ATL3: variants seen among roughly 807,000 people sequenced by gnomAD.
The protein encoded by ATL3 is atlastin GTPase 3.
Under a neutral mutation model 69.5 loss-of-function variants are expected in ATL3, and 49 were observed. That is an observed-to-expected ratio of 0.71 (90% CI 0.56 to 0.89). The LOEUF (loss-of-function observed/expected upper bound fraction) is 0.89, where lower values mean the gene tolerates loss of function less well. ATL3 is among the 40% of genes least tolerant of loss of function. The pLI is 0.00. For missense variants in ATL3, 606 were observed against 645.7 expected, an observed-to-expected ratio of 0.94 and a Z score of 0.67; for synonymous variants, 214 against 224.1, an observed-to-expected ratio of 0.95 and a Z score of 0.40.
chr11:63,654,145 A>ATTTTTTTTTTT (rs1330665161), intron 3 of ATL3, among the ~76,000 whole-genome samples: 1 of 149,158 alleles, frequency 6.7e-6, no homozygotes, highest in African/African-American at 2.5e-5. Context: ...TAAAGATACA[A>ATTTTTTTTTTT]TTTGTTTTTT....
At position 63,629,219 on chromosome 11, in the gene ATL3, C is replaced by G. The variant is rs1939222036; in HGVS notation, c.*100G>C. 11 of 922,304 alleles carry G rather than the reference C, an allele frequency of 1.2e-5. No homozygotes were observed. Among genetic ancestry groups the G allele is most frequent in the Non-Finnish European group, 1.9e-5 (11 of 565,742 alleles). 57.1% of individuals were successfully genotyped at this position (922,304 alleles called of 1,614,324 possible). On this transcript the variant is annotated 3_prime_UTR_variant, in exon 13 of 13. Coordinates refer to ENST00000398868, the MANE Select transcript of ATL3 (RefSeq NM_015459.5). The stretch of plus-strand genomic sequence containing the variant: ...TGTTTTAGCTCTTCCTGGATCGTCT[C>G]AGATCTGCCATTCCTCTGGATATGA...
chr11:63,665,947 C>T (rs1940561221), intron 1 of ATL3, among the ~76,000 whole-genome samples: 1 of 151,982 alleles, frequency 6.6e-6, no homozygotes, highest in African/African-American at 2.4e-5. Flanking sequence ...TTGAGCTGTA[C>T]ACACCAATAA....
chr11:63,643,249 C>T (rs572919963), intron 8 of ATL3, 108 bp downstream of exon 8: 21 of 1,237,092 alleles, frequency 1.7e-5, no homozygotes, highest in Non-Finnish European at 2.3e-5. Flanking sequence ...ACTACTCTTT[C>T]TAAGAGAGCA....
chr11:63,631,092 T>C lies in ATL3; in HGVS notation c.1487A>G (p.Tyr496Cys). The C allele has an allele frequency of 6.2e-7, 1 of 1,614,104 alleles. No homozygotes were observed. The highest frequency in any genetic ancestry group is 8.5e-7 in the Non-Finnish European group (1 of 1,180,010). ...ATCAATAGCTCCGCCCAGCTCACGA[T>C]ATTGACCAGAATACCTGATGTAGCC... ...TWGYIRYSGQ[Y>C]RELGGAIDFG... The change falls in exon 12 of 13, where the codon TAT becomes TGT. Residue 496 changes from tyrosine to cysteine, a missense_variant. By Grantham distance (194) the Tyr-to-Cys change is radical (BLOSUM62 -2). Coordinates refer to ENST00000398868, the MANE Select transcript of ATL3 (RefSeq NM_015459.5).
At position 63,669,010 on chromosome 11, in the gene ATL3, T is replaced by G. The variant is rs534994317; in HGVS notation, c.46+2280A>C. ...GGCTAACTTTTTTTTAATTTTTTTT[T>G]GGGTGGGGGGGGGCGTCTCACCATG... On this transcript the variant is annotated intron_variant, in intron 1 of 12. Coordinates refer to ENST00000398868, the MANE Select transcript of ATL3 (RefSeq NM_015459.5). 7.8e-5 allele frequency among the ~76,000 whole-genome samples: 8 copies of G among 102,530 alleles called. No homozygotes were observed. The South Asian group carries it at 1.2e-3, about 15-fold the overall frequency. 67.3% of individuals were successfully genotyped at this position (102,530 alleles called of 152,430 possible). A position where few individuals can be genotyped will look rare whatever the true frequency, so the allele number is the denominator to read the frequency against.
At chr11:63,650,116 C>G (rs1042892322) in intron 5 of ATL3, among the ~76,000 whole-genome samples, 1 of 151,840 alleles carries the variant, frequency 6.6e-6, no homozygotes, top group Non-Finnish European at 1.5e-5. Flanking sequence ...AAAATAATGC[C>G]TTTATGATTT....
intron 8 of ATL3, among the ~76,000 whole-genome samples, chr11:63,638,003 T>C (rs1207519662): frequency 6.6e-6 from 1 of 152,222 alleles, no homozygotes; most frequent in African/African-American, 2.4e-5. Context: ...CATGTGAATG[T>C]ATTACATATC....
intron 1 of ATL3, among the ~76,000 whole-genome samples, chr11:63,664,303 C>A (rs866976700): frequency 3.3e-5 from 5 of 152,208 alleles, no homozygotes; most frequent in African/African-American, 1.2e-4. Flanking sequence ...CCTTGGGAGG[C>A]CGAGGCAGGC....
chr11:63,650,395 C>T (rs1383708611), intron 5 of ATL3, among the ~76,000 whole-genome samples: 2 of 152,052 alleles, frequency 1.3e-5, no homozygotes, highest in Admixed American at 6.6e-5. Context: ...CATTTTTAAA[C>T]TGGTTATTGT....
chr11:63,652,847 A>G (rs1940123083), intron 3 of ATL3, among the ~76,000 whole-genome samples: 1 of 152,248 alleles, frequency 6.6e-6, no homozygotes, highest in Non-Finnish European at 1.5e-5. Context: ...CAATTAGCTT[A>G]TCACCCAGCC....
intron 10 of ATL3, among the ~76,000 whole-genome samples, chr11:63,634,911 C>T (rs1031305594): frequency 1.3e-5 from 2 of 151,874 alleles, no homozygotes; most frequent in African/African-American, 4.8e-5. Context: ...CCTATAATCC[C>T]AGCACTTTGG....
In ATL3 at chr11:63,624,223, G is replaced by C. The variant is rs1272147976; in HGVS notation, c.*5096C>G. ...ATATTAAGTTTCAAAGCCACTCAAA[G>C]GCAAGGGTCTAGCAGACAGTACTTT... is the stretch of plus-strand genomic sequence containing the variant. On this transcript the variant is annotated 3_prime_UTR_variant, in exon 13 of 13. Coordinates refer to ENST00000398868, the MANE Select transcript of ATL3 (RefSeq NM_015459.5). 6.6e-6 allele frequency: 1 copy of C among 152,058 alleles called. No individual in the cohort carries two copies. Among genetic ancestry groups the C allele is most frequent in the African/African-American group, 2.4e-5 (1 of 41,390 alleles). The allele number at this position is 152,058 out of a possible 1,614,324, so 9.4% of individuals were successfully genotyped here.
At chr11:63,656,020 C>T (rs922049969) in intron 3 of ATL3, among the ~76,000 whole-genome samples, 44 of 151,856 alleles carry the variant, frequency 2.9e-4, no homozygotes, top group African/African-American at 8.0e-4. Flanking sequence ...GTCAGGAGAT[C>T]GAGACCATCC....
Position 63,631,391 on chromosome 11 carries a change from G to A in ATL3, c.1188C>T (p.Asp396=), listed in dbSNP as rs1208805473. Residue 396 remains aspartate (D), a synonymous_variant, in exon 12 of 13, where the codon GAC becomes GAT. Transcript: ENST00000398868. ...CCATCTTCTTGGTCTTCTTAAAATG[G>A]TCCAGAGCAAGTTGTTTGAATTCAC... The part of the protein sequence containing the change: ...KHCEFKQLAL[D]HFKKTKKMGG... 6.2e-7 allele frequency: 1 copy of A among 1,614,086 alleles called. No homozygotes were observed. Among genetic ancestry groups the A allele is most frequent in the Non-Finnish European group, 8.5e-7 (1 of 1,180,028 alleles).
chr11:63,653,789 G>A (rs942992577), intron 3 of ATL3, among the ~76,000 whole-genome samples: 2 of 152,214 alleles, frequency 1.3e-5, no homozygotes, highest in African/African-American at 4.8e-5. Flanking sequence ...TGGTAAAGGC[G>A]AAACTATGGA....
intron 1 of ATL3, among the ~76,000 whole-genome samples, chr11:63,666,286 G>A (rs543018559): frequency 2.4e-4 from 36 of 152,048 alleles, no homozygotes; most frequent in Non-Finnish European, 4.3e-4. Flanking sequence ...TGATCCACCC[G>A]CCTCAGCCTC....
rs1939372291 is a variant in ATL3 at position 63,632,910 on chromosome 11, TAA to T, written c.1107+114_1107+115del. ...CCCCGTTACCAGGACAACCTGAATA[TAA>T]GTTTATTGCCTCATCACTTAAAGAT... On this transcript the variant is annotated intron_variant, in intron 11 of 12. Coordinates refer to ENST00000398868, the MANE Select transcript of ATL3 (RefSeq NM_015459.5). 7.4e-6 allele frequency: 7 copies of T among 946,286 alleles called. No homozygotes were observed. The South Asian group carries it at 1.0e-4, about 14-fold the overall frequency. The allele number at this position is 946,286 out of a possible 1,614,324, so 58.6% of individuals were successfully genotyped here.
chr11:63,640,337 GA>G (rs145988880), intron 8 of ATL3, among the ~76,000 whole-genome samples: 73 of 152,182 alleles, frequency 4.8e-4, no homozygotes, highest in African/African-American at 1.7e-3. Context: ...ACCCAGGCTA[GA>G]GTGCGGTGGT....
intron 3 of ATL3, among the ~76,000 whole-genome samples, chr11:63,653,552 G>A (rs1290091960): frequency 6.6e-6 from 1 of 152,086 alleles, no homozygotes; most frequent in Non-Finnish European, 1.5e-5. Flanking sequence ...AGTATTTATA[G>A]GAGCTTTATT....
Sources: allele counts gnomAD v4.1 joint callset (sites outside exome capture counted in the v4.1 genomes callset), GRCh38; gene constraint gnomAD v4.1.1; transcripts MANE v1.5; gene names NCBI Gene and HGNC (gene_info 2026-07-23, HGNC 2026-07-21).